FREM1: variants seen among roughly 807,000 people sequenced by gnomAD.
The protein encoded by FREM1 is FRAS1 related extracellular matrix 1, also known as FRAS1-related extracellular matrix protein 1.
In FREM1, 220 loss-of-function variants were observed where a neutral mutation model predicts 210.1. The observed-to-expected ratio is 1.05, with a 90% CI of 0.94 to 1.17. The LOEUF (loss-of-function observed/expected upper bound fraction) is 1.17, where lower values mean the gene tolerates loss of function less well. FREM1 is among the 50% of genes most tolerant of loss of function. The pLI is 0.00. For missense variants in FREM1, 3,454 were observed against 2,675.5 expected, an observed-to-expected ratio of 1.29 and a Z score of -6.42; for synonymous variants, 1,189 against 980.2, an observed-to-expected ratio of 1.21 and a Z score of -3.98.
chr9:14,845,217 AAATT>A (rs1194744630), intron 8 of FREM1, among the ~76,000 whole-genome samples: 1 of 152,242 alleles, frequency 6.6e-6, no homozygotes, highest in Non-Finnish European at 1.5e-5. Flanking sequence ...ATAGAATTAT[AAATT>A]TATTTCTTTT....
rs576839770 is a variant in FREM1, at chr9:14,748,462, C to G, written c.5735G>C (p.Arg1912Pro). Residue 1912 changes from arginine to proline, a missense_variant, in exon 31 of 37, where the codon CGG becomes CCG. Physicochemically the swap from Arg to Pro is moderately radical, Grantham distance 103. Transcript: ENST00000380880. The stretch of plus-strand genomic sequence containing the variant: ...AGAAAGATCTGTAGAATCAAAGCCC[C>G]GCAGGGTGTCTCCCCTGATGACTGC... ...QLAVIRGDTLRGFDSTDLSQR... is the reference protein window; with the variant it reads ...QLAVIRGDTLPGFDSTDLSQR... 6.2e-7 allele frequency: 1 copy of G among 1,613,788 alleles called. No homozygotes were observed. The highest frequency in any genetic ancestry group is 1.3e-5 in the African/African-American group (1 of 75,014).
At chr9:14,786,983 C>T (rs78651545) in intron 23 of FREM1, among the ~76,000 whole-genome samples, 9,311 of 152,246 alleles carry the variant, frequency 0.061, 376 homozygotes, top group Non-Finnish European at 0.08. Flanking sequence ...GTTTTCAGCA[C>T]TGTAAGGGCA....
intron 35 of FREM1, among the ~76,000 whole-genome samples, chr9:14,744,714 A>T (rs530207698): frequency 5.3e-5 from 8 of 152,320 alleles, no homozygotes; most frequent in African/African-American, 1.9e-4. Flanking sequence ...CAACATTTTT[A>T]TGAAGCTTTT....
rs1386773261 is a variant in FREM1 at position 14,806,688 on chromosome 9, C to G, written c.3247G>C (p.Glu1083Gln). ...ATACTTATGCCAATATTGCTTTTTT[C>G]AAAACCCACAGAAGGGAGTATATTT... is the stretch of plus-strand genomic sequence containing the variant. The part of the protein sequence containing the change: ...LENILPSVGF[E>Q]KSNIGISIDS... Residue 1083 changes from glutamate (E) to glutamine (Q), a missense_variant, in exon 18 of 37, where the codon GAA becomes CAA. Physicochemically the swap from Glu to Gln is conservative, Grantham distance 29 (BLOSUM62 2). Coordinates refer to ENST00000380880, the MANE Select transcript of FREM1 (RefSeq NM_001379081.2). 6.3e-7 allele frequency: 1 copy of G among 1,599,932 alleles called. No homozygotes were observed. Among genetic ancestry groups the G allele is most frequent in the Admixed American group, 1.7e-5 (1 of 58,304 alleles).
At chr9:14,890,243 CA>C (rs1254471022) in intron 1 of FREM1, among the ~76,000 whole-genome samples, 1 of 152,234 alleles carries the variant, frequency 6.6e-6, no homozygotes, top group Non-Finnish European at 1.5e-5. Flanking sequence ...GCTGCAAAGA[CA>C]GACATACCTT....
chr9:14,817,681 G>C (rs1392602383), intron 14 of FREM1, among the ~76,000 whole-genome samples: 1 of 152,106 alleles, frequency 6.6e-6, no homozygotes. Context: ...TATTGAACAT[G>C]TATAATCTTT....
intron 16 of FREM1, among the ~76,000 whole-genome samples, chr9:14,809,635 T>A (rs762999094): frequency 6.6e-6 from 1 of 152,218 alleles, no homozygotes; most frequent in Non-Finnish European, 1.5e-5. Flanking sequence ...CACCTATTCA[T>A]ATATCTAAAA....
chr9:14,760,190 C>A (rs575243497), intron 27 of FREM1, among the ~76,000 whole-genome samples: 4 of 152,158 alleles, frequency 2.6e-5, no homozygotes, highest in Admixed American at 1.3e-4. Flanking sequence ...ATATTTACAA[C>A]TAAAAGGGGA....
At chr9:14,823,831 A>G (rs1007912537) in intron 12 of FREM1, among the ~76,000 whole-genome samples, 194 bp downstream of exon 12, 1 of 152,194 alleles carries the variant, frequency 6.6e-6, no homozygotes, top group Non-Finnish European at 1.5e-5. Context: ...AGATTGTGAA[A>G]CCATATTCAA....
chr9:14,739,380 A>T (rs1030242590), intron 36 of FREM1, among the ~76,000 whole-genome samples: 1 of 150,968 alleles, frequency 6.6e-6, no homozygotes, highest in Non-Finnish European at 1.5e-5. Flanking sequence ...CTAGGATTAC[A>T]GGCGTGAGCC....
chr9:14,908,500 A>G (rs562655721), intron 1 of FREM1, among the ~76,000 whole-genome samples: 1 of 152,130 alleles, frequency 6.6e-6, no homozygotes, highest in South Asian at 2.1e-4. Context: ...CCTTTGCCCA[A>G]CTCCTTTTTT....
chr9:14,861,076 T>A (rs186522446), intron 3 of FREM1, among the ~76,000 whole-genome samples: 5,539 of 70,350 alleles, frequency 0.079, 1,271 homozygotes, highest in African/African-American at 0.16. Flanking sequence ...TATACATATA[T>A]ACATATATAC....
At chr9:14,805,202 G>T in intron 18 of FREM1, 50 bp from the exon 19 acceptor site, 1 of 1,131,404 alleles carries the variant, frequency 8.8e-7, no homozygotes, top group Non-Finnish European at 1.2e-6. Flanking sequence ...ATTTTTCCAA[G>T]TTATTGGTCC....
chr9:14,875,538 G>C (rs1441907068), intron 1 of FREM1, among the ~76,000 whole-genome samples: 1 of 152,088 alleles, frequency 6.6e-6, no homozygotes. Flanking sequence ...GTGCCTTTAA[G>C]CACTTCTCTG....
At chr9:14,827,399 G>A (rs1286049241) in intron 10 of FREM1, among the ~76,000 whole-genome samples, 1 of 152,220 alleles carries the variant, frequency 6.6e-6, no homozygotes, top group Non-Finnish European at 1.5e-5. Flanking sequence ...CAGGGATGAG[G>A]TAGGATGCGT....
At chr9:14,772,346 C>T (rs1409422037) in intron 25 of FREM1, among the ~76,000 whole-genome samples, 1 of 152,062 alleles carries the variant, frequency 6.6e-6, no homozygotes, top group Non-Finnish European at 1.5e-5. Context: ...AGACTGAGTT[C>T]CATGCAGCCT....
intron 10 of FREM1, among the ~76,000 whole-genome samples, chr9:14,835,524 C>T (rs189007165): frequency 8.4e-4 from 128 of 152,324 alleles, no homozygotes; most frequent in Non-Finnish European, 1.7e-3. Flanking sequence ...GGCCTACCAC[C>T]TTGTCTATAC....
At chr9:14,882,173 C>G (rs1834910345) in intron 1 of FREM1, among the ~76,000 whole-genome samples, 1 of 152,078 alleles carries the variant, frequency 6.6e-6, no homozygotes, top group Non-Finnish European at 1.5e-5. Context: ...ACTTCTTCTT[C>G]AAGTTTTTGT....
chr9:14,828,229 T>C (rs1822848072), intron 10 of FREM1, among the ~76,000 whole-genome samples: 1 of 152,206 alleles, frequency 6.6e-6, no homozygotes, highest in African/African-American at 2.4e-5. Flanking sequence ...CCTGGGGCCT[T>C]GGGGGCCCAA....
Sources: gnomAD v4.1 joint callset for allele counts (sites outside exome capture counted in the v4.1 genomes callset) on GRCh38, gnomAD v4.1.1 for gene constraint, MANE v1.5 for transcripts, NCBI Gene and HGNC (gene_info 2026-07-23, HGNC 2026-07-21) for gene names.